The following DNMT3A variants were observed in gnomAD, a reference collection of about 807,000 sequenced individuals.
DNMT3A encodes DNA (cytosine-5)-methyltransferase 3A.
In DNMT3A, 267 loss-of-function variants were observed where a neutral mutation model predicts 117.6. That is an observed-to-expected ratio of 2.27 (90% CI 2.05 to 2.51). The LOEUF (loss-of-function observed/expected upper bound fraction) is 2.51, where lower values mean the gene tolerates loss of function less well. DNMT3A is among the 30% of genes most tolerant of loss of function. The pLI is 0.00. For synonymous variants in DNMT3A, 432 were observed against 474.8 expected (o/e 0.91, Z 1.17); for missense variants, 1,029 against 1,260.2 (o/e 0.82, Z 2.78).
chr2:25,246,242 T>C lies in DNMT3A; in HGVS notation c.1347A>G (p.Ala449=). The change falls in exon 11 of 23, where the codon GCA becomes GCG. Residue 449 remains alanine (A), a synonymous_variant. Coordinates refer to ENST00000321117, the MANE Select transcript of DNMT3A (RefSeq NM_022552.5). ...GGGGCTTTTTGGCTGGTGGAGGTGGTGCGTAGGCAGCTGCCTCAGGTTCCA... is the reference window on the plus strand; with the variant it reads ...GGGGCTTTTTGGCTGGTGGAGGTGGCGCGTAGGCAGCTGCCTCAGGTTCCA... ...MWVEPEAAAY[A]PPPPAKKPRK... is the part of the protein sequence containing the mutation. 1 of 1,614,094 alleles carries C rather than the reference T, an allele frequency of 6.2e-7. No homozygotes were observed. The highest frequency in any genetic ancestry group is 8.5e-7 in the Non-Finnish European group (1 of 1,179,970).
At chr2:25,341,486 G>A (rs1009381400) in intron 1 of DNMT3A, among the ~76,000 whole-genome samples, 1 of 146,148 alleles carries the variant, frequency 6.8e-6, no homozygotes, top group Non-Finnish European at 1.5e-5. Context: ...GCCGGCGGTG[G>A]AGGGGCCCCC....
At chr2:25,242,000 T>C (rs962262119) in intron 16 of DNMT3A, 3 of 423,178 alleles carry the variant, frequency 7.1e-6, no homozygotes, top group Non-Finnish European at 1.3e-5. Context: ...AGCTGACTTT[T>C]TGGGGGCCTT....
intron 1 of DNMT3A, among the ~76,000 whole-genome samples, chr2:25,316,533 G>T (rs376572239): frequency 6.6e-6 from 1 of 152,198 alleles, no homozygotes; most frequent in Non-Finnish European, 1.5e-5. Flanking sequence ...GGCGGGCCAT[G>T]TACTACACAA....
At chr2:25,309,011 G>A (rs2033938944) in intron 2 of DNMT3A, among the ~76,000 whole-genome samples, 1 of 139,630 alleles carries the variant, frequency 7.2e-6, no homozygotes, top group South Asian at 2.2e-4. Context: ...GCACGCACAT[G>A]TGCAAACACA....
chr2:25,232,331 G>A lies in DNMT3A; in HGVS notation c.*1948C>T, dbSNP rs1443991957. ...ACCTGCCCGTCGGGCCCTCACCCTG[G>A]AGCCAACAATGCCATCCCTTCCTAC... On this transcript the variant is annotated 3_prime_UTR_variant, in exon 23 of 23. Transcript: ENST00000321117. This position sits in a 1 kb window ranked among gnomAD's most constrained non-coding sequence, Gnocchi z 4.1. 2.0e-5 allele frequency: 3 copies of A among 152,264 alleles called. No homozygotes were observed. Among genetic ancestry groups the A allele is most frequent in the Admixed American group, 2.0e-4 (3 of 15,286 alleles). The allele number at this position is 152,264 out of a possible 1,614,324, so 9.4% of individuals were successfully genotyped here.
intron 1 of DNMT3A, among the ~76,000 whole-genome samples, chr2:25,332,251 T>G (rs2035041690): frequency 6.6e-6 from 1 of 152,148 alleles, no homozygotes; most frequent in South Asian, 2.1e-4. Context: ...ATCCCATCGT[T>G]CCCTACACTG....
At position 25,296,512 on chromosome 2, in the gene DNMT3A, TGAA is replaced by T. The variant is rs1470507648; in HGVS notation, c.177+3624_177+3626del. Among the ~76,000 whole-genome samples the T allele has an allele frequency of 6.6e-6, 1 of 152,184 alleles. No individual in the cohort carries two copies. Among genetic ancestry groups the T allele is most frequent in the Admixed American group, 6.5e-5 (1 of 15,270 alleles). ...AAAAAATGGAGTCCCGGGGGGTTCC[TGAA>T]GAAGGACGTGCCGGTGCTACATTTA... On this transcript the variant is annotated intron_variant, in intron 3 of 22. Coordinates refer to ENST00000321117, the MANE Select transcript of DNMT3A (RefSeq NM_022552.5). This position sits in a 1 kb window ranked among gnomAD's most constrained non-coding sequence, Gnocchi z 4.2.
In DNMT3A at chr2:25,233,630, G is replaced by A. The variant is rs1406715599; in HGVS notation, c.*649C>T. Reference sequence around the variant, plus strand: ...TGCTGCTAACTGGGTTCTGTTTTGCGTGACCAGGAATGGTGCTGGCACGAC... The same window carrying A: ...TGCTGCTAACTGGGTTCTGTTTTGCATGACCAGGAATGGTGCTGGCACGAC... On this transcript the variant is annotated 3_prime_UTR_variant, in exon 23 of 23. Coordinates refer to ENST00000321117, the MANE Select transcript of DNMT3A (RefSeq NM_022552.5). 4 of 232,642 alleles carry A rather than the reference G, an allele frequency of 1.7e-5. No individual in the cohort carries two copies. Among genetic ancestry groups the A allele is most frequent in the African/African-American group, 6.7e-5 (3 of 45,070 alleles). The allele number at this position is 232,642 out of a possible 1,614,324, so 14.4% of individuals were successfully genotyped here.
intron 16 of DNMT3A, 118 bp from the exon 17 acceptor site, chr2:25,241,825 T>G: frequency 1.5e-6 from 2 of 1,346,840 alleles, no homozygotes; most frequent in Non-Finnish European, 2.0e-6. Flanking sequence ...CCAAGTCCTA[T>G]CTTTTCCCTG....
chr2:25,341,948 C>T, upstream of DNMT3A: 3 of 977,904 alleles, frequency 3.1e-6, no homozygotes, highest in Non-Finnish European at 2.4e-6. Context: ...TCCCGGCCCG[C>T]CTGCCTGCCT....
rs1558658551 is a variant in DNMT3A, at chr2:25,240,303, T to C, written c.2321A>G (p.Glu774Gly). ...SDKRDISRFL[E>G]SNPVMIDAKE... The stretch of plus-strand genomic sequence containing the variant: ...CCAAACCAAGGTTGCTGGCTATACC[T>C]CGAGAAATCGCGAGATGTCCCTCTT... Residue 774 changes from glutamate to glycine, a missense_variant and splice_region_variant, in exon 19 of 23, where the codon GAG becomes GGG. Coordinates refer to ENST00000321117, the MANE Select transcript of DNMT3A (RefSeq NM_022552.5). 2 of 1,613,970 alleles carry C rather than the reference T, an allele frequency of 1.2e-6. No individual in the cohort carries two copies. Among genetic ancestry groups the C allele is most frequent in the African/African-American group, 1.3e-5 (1 of 75,010 alleles).
chr2:25,302,842 A>T (rs924743850), intron 2 of DNMT3A, among the ~76,000 whole-genome samples: 4 of 152,240 alleles, frequency 2.6e-5, no homozygotes, highest in African/African-American at 9.6e-5. Flanking sequence ...CACCGTCTTG[A>T]TCAGCACTTG....
At chr2:25,328,378 AC>A (rs1297741348) in intron 1 of DNMT3A, among the ~76,000 whole-genome samples, 1 of 151,132 alleles carries the variant, frequency 6.6e-6, no homozygotes, top group East Asian at 1.9e-4. Context: ...CCGGAATGAC[AC>A]CCCTGGCTCC....
At chr2:25,332,082 T>C (rs2035033812) in intron 1 of DNMT3A, among the ~76,000 whole-genome samples, 1 of 152,222 alleles carries the variant, frequency 6.6e-6, no homozygotes, top group Non-Finnish European at 1.5e-5. Flanking sequence ...CGGACTTCTG[T>C]GCCAGCCTTC....
rs776220949 is a variant in DNMT3A at position 25,281,341 on chromosome 2, T to C, written c.448+1100A>G. 8.5e-6 allele frequency: 6 copies of C among 706,300 alleles called. No homozygotes were observed. Among genetic ancestry groups the C allele is most frequent in the Non-Finnish European group, 1.1e-5 (6 of 566,352 alleles). The allele number at this position is 706,300 out of a possible 1,614,324, so 43.8% of individuals were successfully genotyped here. ...GGATAATCATATCTCTTGAATAAGA[T>C]TGTTAGAGGAGTAAATAAAACAACT... On this transcript the variant is annotated intron_variant, in intron 4 of 22. Coordinates refer to ENST00000321117, the MANE Select transcript of DNMT3A (RefSeq NM_022552.5). The surrounding 1 kb of genome is among the most constrained non-coding windows in gnomAD (Gnocchi z 4.8).
rs1345778838 is a variant in DNMT3A at position 25,246,697 on chromosome 2, A to C, written c.1202T>G (p.Val401Gly). 6.2e-7 allele frequency: 1 copy of C among 1,613,580 alleles called. No homozygotes were observed. Among genetic ancestry groups the C allele is most frequent in the South Asian group, 1.1e-5 (1 of 91,074 alleles). ...DESDTAKAVE[V>G]QNKPMIEWAL... is the part of the protein sequence containing the mutation. ...CCATTCAATCATGGGCTTGTTCTGCACCTCCACGGCCTTGGCAGTGTCACT... is the reference window on the plus strand; with the variant it reads ...CCATTCAATCATGGGCTTGTTCTGCCCCTCCACGGCCTTGGCAGTGTCACT... Residue 401 changes from valine (V) to glycine (G), a missense_variant, in exon 10 of 23, where the codon GTG becomes GGG. Coordinates refer to ENST00000321117, the MANE Select transcript of DNMT3A (RefSeq NM_022552.5).
At chr2:25,319,220 T>A (rs1427654581) in intron 1 of DNMT3A, among the ~76,000 whole-genome samples, 1 of 151,952 alleles carries the variant, frequency 6.6e-6, no homozygotes, top group Non-Finnish European at 1.5e-5. Context: ...TTCACCATGT[T>A]AGCCAGGATG....
rs751868166 is a variant in DNMT3A, at chr2:25,234,304, A to C, written c.2714T>G (p.Leu905Arg). Residue 905 changes from leucine (L) to arginine (R), a missense_variant, in exon 23 of 23, where the codon CTG (leucine) becomes CGG (arginine). Leu to Arg is a moderately radical substitution (Grantham distance 102, BLOSUM62 -2). Transcript: ENST00000321117. This position sits in a 1 kb window ranked among gnomAD's most constrained non-coding sequence, Gnocchi z 4.5. ...TTACACACACGCAAAATACTCCTTCAGCGGAGCGAAGAGGTGGCGGATGAC... is the reference window on the plus strand; with the variant it reads ...TTACACACACGCAAAATACTCCTTCCGCGGAGCGAAGAGGTGGCGGATGAC... The part of the protein sequence containing the change: ...VPVIRHLFAP[L>R]KEYFACV 3 of 1,613,946 alleles carry C rather than the reference A, an allele frequency of 1.9e-6. No homozygotes were observed. Among genetic ancestry groups the C allele is most frequent in the Non-Finnish European group, 2.5e-6 (3 of 1,179,912 alleles).
At position 25,252,077 on chromosome 2, in the gene DNMT3A, T is replaced by C. The variant is rs1001288807; in HGVS notation, c.640-3825A>G. The C allele has an allele frequency of 7.5e-7, 1 of 1,341,748 alleles. No homozygotes were observed. The highest frequency in any genetic ancestry group is 1.4e-5 in the South Asian group (1 of 71,970). 83.1% of individuals were successfully genotyped at this position (1,341,748 alleles called of 1,614,324 possible). A position where few individuals can be genotyped will look rare whatever the true frequency, so the allele number is the denominator to read the frequency against. On this transcript the variant is annotated intron_variant, in intron 6 of 22. Transcript: ENST00000321117. The surrounding 1 kb of genome is among the most constrained non-coding windows in gnomAD (Gnocchi z 5.5). Reference sequence around the variant, plus strand: ...GGCCAGGCCGGGACGCCGCGGCTGCTGCGGGCCGGGGAGGCATACTTCACT... The same window carrying C: ...GGCCAGGCCGGGACGCCGCGGCTGCCGCGGGCCGGGGAGGCATACTTCACT...
Sources: allele counts gnomAD v4.1 joint callset (sites outside exome capture counted in the v4.1 genomes callset), GRCh38; gene constraint gnomAD v4.1.1; non-coding constraint Gnocchi (gnomAD v3.1); transcripts MANE v1.5; gene names NCBI Gene and HGNC (gene_info 2026-07-23, HGNC 2026-07-21).